CADM2: variants seen among roughly 807,000 people sequenced by gnomAD.
The protein encoded by CADM2 is immunoglobulin superfamily member 4D.
Under a neutral mutation model 49.8 loss-of-function variants are expected in CADM2, and 12 were observed. That is an observed-to-expected ratio of 0.24 (90% CI 0.15 to 0.39). The LOEUF is 0.39. Among genes scored for constraint, CADM2 ranks in the 10% least tolerant of loss-of-function variants. The pLI is 1.00. For missense variants in CADM2, 378 were observed against 492.3 expected, an observed-to-expected ratio of 0.77 and a Z score of 2.20; for synonymous variants, 214 against 175.4, an observed-to-expected ratio of 1.22 and a Z score of -1.74.
At chr3:85,433,718 G>T (rs568439722) in intron 1 of CADM2, among the ~76,000 whole-genome samples, 1 of 152,200 alleles carries the variant, frequency 6.6e-6, no homozygotes, top group South Asian at 2.1e-4. Flanking sequence ...TAGAAATATG[G>T]CTAGATTAAC....
chr3:85,085,142 G>C (rs534808861), intron 1 of CADM2, among the ~76,000 whole-genome samples: 11 of 152,132 alleles, frequency 7.2e-5, no homozygotes, highest in Admixed American at 2.0e-4. Flanking sequence ...TAGTCACCAA[G>C]CTGTATAATA....
Position 85,842,081 on chromosome 3 carries a change from T to A in CADM2, c.238+39885T>A, listed in dbSNP as rs1028065787. Among the ~76,000 whole-genome samples, 4 of 152,254 alleles carry A rather than the reference T, an allele frequency of 2.6e-5. No homozygotes were observed. In the East Asian group the frequency reaches 7.8e-4, roughly 30 times the overall value. ...TTGCTTTAATGCATAAATTTTCCAA[T>A]CCTGCGGCTGCTGCAGAGGTTAAAA... On this transcript the variant is annotated intron_variant, in intron 3 of 9. Coordinates refer to ENST00000383699, the MANE Select transcript of CADM2 (RefSeq NM_001167675.2).
intron 3 of CADM2, among the ~76,000 whole-genome samples, chr3:85,808,374 T>A (rs1266704161): frequency 6.6e-6 from 1 of 152,092 alleles, no homozygotes; most frequent in Non-Finnish European, 1.5e-5. Flanking sequence ...AGAGTGGGTA[T>A]AGGGAGACAG....
intron 1 of CADM2, among the ~76,000 whole-genome samples, chr3:85,479,073 A>C (rs1402683387): frequency 6.6e-6 from 1 of 151,822 alleles, no homozygotes; most frequent in Non-Finnish European, 1.5e-5. Flanking sequence ...ACTCCTGAGT[A>C]GCTGGAACTA....
chr3:85,550,425 C>T (rs1213084083), intron 1 of CADM2, among the ~76,000 whole-genome samples: 3 of 152,126 alleles, frequency 2.0e-5, no homozygotes, highest in Admixed American at 6.5e-5. Flanking sequence ...AATACCTGGG[C>T]TGCTACAATT....
chr3:85,718,218 T>A (rs758580296), intron 1 of CADM2, among the ~76,000 whole-genome samples: 1 of 152,174 alleles, frequency 6.6e-6, no homozygotes, highest in African/African-American at 2.4e-5. Flanking sequence ...TAACATGAAA[T>A]GAGGTAAATC....
At chr3:85,464,593 AG>A (rs1359783275) in intron 1 of CADM2, among the ~76,000 whole-genome samples, 4 of 152,180 alleles carry the variant, frequency 2.6e-5, no homozygotes, top group Admixed American at 2.6e-4. Flanking sequence ...GCCCCATTTT[AG>A]GCAGATGAAA....
chr3:85,262,978 T>TTTTCTTTC (rs112172844), intron 1 of CADM2, among the ~76,000 whole-genome samples: 7 of 150,934 alleles, frequency 4.6e-5, no homozygotes, highest in African/African-American at 1.7e-4. Context: ...GTATTTATCT[T>TTTTCTTTC]TTTCTTTCTT....
At chr3:85,867,284 G>A (rs941883319) in intron 3 of CADM2, among the ~76,000 whole-genome samples, 1 of 151,960 alleles carries the variant, frequency 6.6e-6, no homozygotes, top group Non-Finnish European at 1.5e-5. Flanking sequence ...GTCCTTTGCT[G>A]TTTTGTGTCA....
rs187385691 is a variant in CADM2 at position 85,923,015 on chromosome 3, G to A, written c.700+10472G>A. On this transcript the variant is annotated intron_variant, in intron 6 of 9. Transcript: ENST00000383699. ...TTTTTGTATTTTTTTAGTAGAGACA[G>A]GGTTTCACCATGTTAGCGAGGATGG... Among the ~76,000 whole-genome samples the A allele has an allele frequency of 1.5e-4, 23 of 152,012 alleles. No homozygotes were observed. In the East Asian group the frequency reaches 4.5e-3, roughly 30 times the overall value.
chr3:85,483,396 A>G (rs2039290404), intron 1 of CADM2, among the ~76,000 whole-genome samples: 1 of 151,290 alleles, frequency 6.6e-6, no homozygotes, highest in African/African-American at 2.4e-5. Context: ...GTGTATATGT[A>G]AATAGATTTA....
intron 1 of CADM2, among the ~76,000 whole-genome samples, chr3:84,968,800 T>C (rs1055348673): frequency 1.3e-5 from 2 of 152,068 alleles, no homozygotes; most frequent in African/African-American, 4.8e-5. Context: ...CATCTTGCTA[T>C]GGTGGGATCT....
intron 3 of CADM2, among the ~76,000 whole-genome samples, chr3:85,806,000 C>T (rs572636261): frequency 3.6e-4 from 55 of 152,210 alleles, no homozygotes; most frequent in African/African-American, 1.3e-3. Context: ...AGTCTTCCAG[C>T]GGTATGCAGT....
chr3:85,875,579 C>T (rs1168237709), intron 3 of CADM2, among the ~76,000 whole-genome samples: 1 of 152,114 alleles, frequency 6.6e-6, no homozygotes, highest in African/African-American at 2.4e-5. Flanking sequence ...AAGTTGTCCT[C>T]ACTGAAGCTT....
At chr3:85,895,623 C>T (rs993900152) in intron 5 of CADM2, among the ~76,000 whole-genome samples, 2 of 152,132 alleles carry the variant, frequency 1.3e-5, no homozygotes, top group African/African-American at 4.8e-5. Flanking sequence ...CAAATCTTAT[C>T]TTGAATTGTA....
At chr3:85,532,704 G>T (rs1225404597) in intron 1 of CADM2, among the ~76,000 whole-genome samples, 1 of 152,126 alleles carries the variant, frequency 6.6e-6, no homozygotes, top group Non-Finnish European at 1.5e-5. Flanking sequence ...AAAGATAAAT[G>T]CATGCATATG....
chr3:85,377,199 G>T (rs1190513475), intron 1 of CADM2, among the ~76,000 whole-genome samples: 1 of 151,938 alleles, frequency 6.6e-6, no homozygotes, highest in South Asian at 2.1e-4. Flanking sequence ...AATATTTATT[G>T]CTTCTTTGTT....
In CADM2 at chr3:85,584,024, C is replaced by T. The variant is rs146252298; in HGVS notation, c.62-142498C>T. ...ATAGATTCAAAAAATTACTTTCTAC[C>T]CTTTATTTATAATGCAATTTGTCAT... On this transcript the variant is annotated intron_variant, in intron 1 of 9. Transcript: ENST00000383699. 2.3e-3 allele frequency among the ~76,000 whole-genome samples: 354 copies of T among 151,920 alleles called. 13 individuals are homozygous for T. The East Asian group carries it at 0.053, about 23-fold the overall frequency.
intron 3 of CADM2, among the ~76,000 whole-genome samples, chr3:85,833,452 T>C (rs1052195125): frequency 6.6e-6 from 1 of 151,844 alleles, no homozygotes; most frequent in African/African-American, 2.4e-5. Context: ...TGTGAATCCA[T>C]CTGATCCAGG....
Sources: allele counts gnomAD v4.1 joint callset (sites outside exome capture counted in the v4.1 genomes callset), GRCh38; gene constraint gnomAD v4.1.1; transcripts MANE v1.5; gene names NCBI Gene and HGNC (gene_info 2026-07-23, HGNC 2026-07-21).